Variants in CFAP43 observed in about 807,000 individuals in gnomAD.
CFAP43 encodes cilia- and flagella-associated protein 43.
A neutral mutation model predicts 218.9 loss-of-function variants in CFAP43; 155 were observed. The ratio of observed to expected loss-of-function variants is 0.71; its 90% CI spans 0.62 to 0.81. The LOEUF (loss-of-function observed/expected upper bound fraction) is 0.81, where lower values mean the gene tolerates loss of function less well. Ranked by LOEUF, CFAP43 falls within the 30% of genes least tolerant of loss-of-function variation. The pLI is 0.00. For synonymous variants in CFAP43, 645 were observed against 681.3 expected (o/e 0.95, Z 0.83); for missense variants, 1,778 against 1,954.3 (o/e 0.91, Z 1.70).
chr10:104,145,393 G>C (rs1385033301), intron 31 of CFAP43, 83 bp downstream of exon 31: 1 of 812,940 alleles, frequency 1.2e-6, no homozygotes, highest in East Asian at 2.7e-5. Flanking sequence ...ATTTAATTGG[G>C]AGAAAAAAGC....
At chr10:104,160,148 T>C (rs2088798256) in intron 27 of CFAP43, among the ~76,000 whole-genome samples, 1 of 152,216 alleles carries the variant, frequency 6.6e-6, no homozygotes, top group South Asian at 2.1e-4. Flanking sequence ...GTGCAGGCAG[T>C]GGACTATCTT....
At position 104,225,468 on chromosome 10, in the gene CFAP43, C is replaced by T. The variant is rs750307240; in HGVS notation, c.409G>A (p.Ala137Thr). The change falls in exon 3 of 38, where the codon GCC (alanine) becomes ACC (threonine). Residue 137 changes from alanine to threonine, a missense_variant. Physicochemically the swap from Ala to Thr is moderately conservative, Grantham distance 58. This residue lies in a region of CFAP43 where 1,553 missense variants were observed against 1,685.2 expected (regional missense o/e 0.92). Coordinates refer to ENST00000357060, the MANE Select transcript of CFAP43 (RefSeq NM_025145.7). ...CAGGATGCTGAAACTTACCAAAGGG[C>T]CAGTTCAAATTCTGGGAGAGAGGAG... Reference protein sequence around the residue: ...SYSSLPEFELALWNWESSIIL... With the variant: ...SYSSLPEFELTLWNWESSIIL... 2 of 1,609,524 alleles carry T rather than the reference C, an allele frequency of 1.2e-6. No homozygotes were observed. Among genetic ancestry groups the T allele is most frequent in the South Asian group, 1.1e-5 (1 of 90,606 alleles).
chr10:104,147,116 C>T (rs2088013036), intron 29 of CFAP43, among the ~76,000 whole-genome samples: 1 of 151,702 alleles, frequency 6.6e-6, no homozygotes, highest in Non-Finnish European at 1.5e-5. Context: ...CACTTATTCC[C>T]ACAGTTCCAG....
intron 34 of CFAP43, among the ~76,000 whole-genome samples, chr10:104,137,012 T>C (rs1304381848): frequency 6.6e-6 from 1 of 152,164 alleles, no homozygotes; most frequent in Non-Finnish European, 1.5e-5. Context: ...GAAACCCACA[T>C]ACTTTGCTGG....
chr10:104,201,850 A>G (rs1461850628), intron 8 of CFAP43, among the ~76,000 whole-genome samples: 2 of 152,208 alleles, frequency 1.3e-5, no homozygotes, highest in East Asian at 3.9e-4. Context: ...CTCTAGTGAT[A>G]GTCAGCTGCT....
At chr10:104,133,354 T>C (rs1017148374) in intron 35 of CFAP43, 10 of 292,724 alleles carry the variant, frequency 3.4e-5, no homozygotes, top group Non-Finnish European at 6.2e-5. Flanking sequence ...ATTAAGATGG[T>C]TAAATGCTAC....
In CFAP43 at chr10:104,187,448, T is replaced by C; in HGVS notation, c.1732A>G (p.Ile578Val). The change falls in exon 14 of 38, where the codon ATC (isoleucine) becomes GTC (valine). Residue 578 changes from isoleucine (I) to valine (V), a missense_variant. Physicochemically the swap from Ile to Val is conservative, Grantham distance 29. This residue lies in a region of CFAP43 where 1,553 missense variants were observed against 1,685.2 expected (regional missense o/e 0.92). Coordinates refer to ENST00000357060, the MANE Select transcript of CFAP43 (RefSeq NM_025145.7). ...ADERGRLKDE[I>V]IHKYLYELEH... ...AACTCATACAGGTACTTATGAATGA[T>C]TTCATCTTTCAGCCTTCCTCTTTCA... 6.3e-7 allele frequency: 1 copy of C among 1,597,614 alleles called. No homozygotes were observed. Among genetic ancestry groups the C allele is most frequent in the Non-Finnish European group, 8.5e-7 (1 of 1,173,514 alleles).
In CFAP43 at chr10:104,207,919, C is replaced by A. The variant is rs567025894; in HGVS notation, c.736-95G>T. 5.7e-5 allele frequency: 73 copies of A among 1,277,736 alleles called. 2 individuals carry two copies. The African/African-American group carries it at 9.2e-4, about 16-fold the overall frequency. The allele number at this position is 1,277,736 out of a possible 1,614,324, so 79.1% of individuals were successfully genotyped here. ...GAACAACTGACAAAAAGGAACCATA[C>A]TTAACCCCATAGACGCAGAAAACAT... On this transcript the variant is annotated intron_variant, in intron 5 of 37. Transcript: ENST00000357060.
chr10:104,214,445 T>C lies in CFAP43; in HGVS notation c.417-19A>G, dbSNP rs754465840. 111 of 1,535,398 alleles carry C rather than the reference T, an allele frequency of 7.2e-5. No homozygotes were observed. Among genetic ancestry groups the C allele is most frequent in the Non-Finnish European group, 8.5e-5 (97 of 1,138,330 alleles). On this transcript the variant is annotated intron_variant, in intron 3 of 37. Transcript: ENST00000357060. ...CCAGTTCCTTAGAGAAAAATAGCAT[T>C]TGATGAAAAAAAGTTCATTTGAATT...
intron 14 of CFAP43, 82 bp downstream of exon 14, chr10:104,187,238 T>C: frequency 8.4e-7 from 1 of 1,187,932 alleles, no homozygotes; most frequent in Non-Finnish European, 1.1e-6. Context: ...GTTAAAGTGG[T>C]CAAGAGGATC....
rs59303633 is a variant in CFAP43 at position 104,174,825 on chromosome 10, G to A, written c.2461-2290C>T. Among the ~76,000 whole-genome samples the A allele has an allele frequency of 6.3e-3, 954 of 151,906 alleles. 11 individuals carry two copies. The highest frequency in any genetic ancestry group is 0.02 in the African/African-American group (832 of 41,504). The stretch of plus-strand genomic sequence containing the variant: ...AATCCCAGCACTTTGGGAGGCCGAG[G>A]TGGGCGCATCATGAGGTCAGGAGAT... On this transcript the variant is annotated intron_variant, in intron 19 of 37. Transcript: ENST00000357060.
At position 104,214,353 on chromosome 10, in the gene CFAP43, G is replaced by T. The variant is rs1469417403; in HGVS notation, c.490C>A (p.Pro164Thr). The T allele has an allele frequency of 6.2e-7, 1 of 1,611,308 alleles. No homozygotes were observed. Among genetic ancestry groups the T allele is most frequent in the East Asian group, 2.2e-5 (1 of 44,748 alleles). The change falls in exon 4 of 38, where the codon CCC becomes ACC. Residue 164 changes from proline (P) to threonine (T), a missense_variant. By Grantham distance (38) the Pro-to-Thr change is conservative. Coordinates refer to ENST00000357060, the MANE Select transcript of CFAP43 (RefSeq NM_025145.7). ...AAGCACAGCTGGCGCCAGTTCATGG[G>T]GTTAAAAGACATTTGGTTCACATCC... ...GMDVNQMSFN[P>T]MNWRQLCLSS...
intron 3 of CFAP43, among the ~76,000 whole-genome samples, chr10:104,221,529 C>A (rs2091181450): frequency 6.6e-6 from 1 of 152,076 alleles, no homozygotes. Flanking sequence ...AGGAAGCAGG[C>A]CCTCACCAGA....
At chr10:104,214,531 T>A in intron 3 of CFAP43, 105 bp from the exon 4 acceptor site, 1 of 952,974 alleles carries the variant, frequency 1.0e-6, no homozygotes, top group Non-Finnish European at 1.5e-6. Context: ...TAATTTATGA[T>A]ACAATTTATA....
In CFAP43 at chr10:104,132,001, G is replaced by A. The variant is rs1330743531; in HGVS notation, c.4677+115C>T. The stretch of plus-strand genomic sequence containing the variant: ...ACTTTTAATTACCTCATGAATACTA[G>A]TAAATAACCAAGATTTTATTAGGGT... On this transcript the variant is annotated intron_variant, in intron 36 of 37. Coordinates refer to ENST00000357060, the MANE Select transcript of CFAP43 (RefSeq NM_025145.7). The A allele has an allele frequency of 4.0e-6, 3 of 744,764 alleles. No homozygotes were observed. In the East Asian group the frequency reaches 8.8e-5, roughly 22 times the overall value. 46.1% of individuals were successfully genotyped at this position (744,764 alleles called of 1,614,324 possible). A position where few individuals can be genotyped will look rare whatever the true frequency, so the allele number is the denominator to read the frequency against.
chr10:104,153,683 A>G (rs979393071), intron 27 of CFAP43, among the ~76,000 whole-genome samples: 4 of 152,232 alleles, frequency 2.6e-5, no homozygotes, highest in African/African-American at 7.2e-5. Context: ...AAAAGTTGCA[A>G]GAATAGTACA....
At chr10:104,187,655 A>G (rs774368974) in intron 13 of CFAP43, among the ~76,000 whole-genome samples, 163 bp from the exon 14 acceptor site, 1 of 152,258 alleles carries the variant, frequency 6.6e-6, no homozygotes, top group Non-Finnish European at 1.5e-5. Flanking sequence ...TTGTCTCCCT[A>G]GAAATACTTG....
At chr10:104,158,547 A>G (rs1041856711) in intron 27 of CFAP43, among the ~76,000 whole-genome samples, 3 of 152,242 alleles carry the variant, frequency 2.0e-5, no homozygotes, top group African/African-American at 7.2e-5. Context: ...TGTCAATGTC[A>G]TGGAACACAA....
chr10:104,190,293 C>T (rs2090170397), intron 12 of CFAP43, among the ~76,000 whole-genome samples: 1 of 152,168 alleles, frequency 6.6e-6, no homozygotes, highest in Admixed American at 6.5e-5. Context: ...GATTGCACCA[C>T]TGCACTCCAG....
Sources: allele counts gnomAD v4.1 joint callset (sites outside exome capture counted in the v4.1 genomes callset), GRCh38; gene constraint gnomAD v4.1.1; regional missense constraint gnomAD v4.1.1; transcripts MANE v1.5; gene names NCBI Gene and HGNC (gene_info 2026-07-23, HGNC 2026-07-21).